CPPED1: variants seen among roughly 807,000 people sequenced by gnomAD.
CPPED1 encodes the protein serine/threonine-protein phosphatase CPPED1.
CPPED1 carries 28 observed loss-of-function variants against 28.0 expected under a neutral mutation model. The observed-to-expected ratio is 1.00, with a 90% CI of 0.74 to 1.37. The LOEUF is 1.37. Among genes scored for constraint, CPPED1 ranks in the 40% most tolerant of loss-of-function variants. The pLI, the probability that CPPED1 is intolerant of heterozygous loss-of-function variation, is 0.00. For synonymous variants in CPPED1, 198 were observed against 180.2 expected, an observed-to-expected ratio of 1.10 and a Z score of -0.79; for missense variants, 504 against 416.5, an observed-to-expected ratio of 1.21 and a Z score of -1.83.
chr16:12,694,581 T>C (rs1430338187), intron 3 of CPPED1, among the ~76,000 whole-genome samples: 1 of 151,976 alleles, frequency 6.6e-6, no homozygotes, highest in African/African-American at 2.4e-5. Context: ...GTGTGATGTT[T>C]TGCGGTGAAC....
In CPPED1 at chr16:12,667,872, G is replaced by A. The variant is rs569413243; in HGVS notation, c.716-2757C>T. Among the ~76,000 whole-genome samples, 29 of 152,256 alleles carry A rather than the reference G, an allele frequency of 1.9e-4. No homozygotes were observed. The South Asian group carries it at 5.6e-3, about 29-fold the overall frequency. ...TTTTCCAGAAAGAAGGAAGACACAG[G>A]TCCTCAGATAAAAAGTACTACACAG... On this transcript the variant is annotated intron_variant, in intron 3 of 3. Transcript: ENST00000381774.
At chr16:12,738,487 G>C (rs945592164) in intron 2 of CPPED1, among the ~76,000 whole-genome samples, 2 of 152,042 alleles carry the variant, frequency 1.3e-5, no homozygotes, top group Non-Finnish European at 2.9e-5. Context: ...TTGCAGAGAT[G>C]AAATGTCTCT....
chr16:12,666,649 G>A (rs920635322), intron 3 of CPPED1, among the ~76,000 whole-genome samples: 1 of 152,148 alleles, frequency 6.6e-6, no homozygotes, highest in African/African-American at 2.4e-5. Flanking sequence ...GAGATGCCCA[G>A]TAGTGCCCAT....
intron 3 of CPPED1, among the ~76,000 whole-genome samples, chr16:12,679,937 G>A (rs1282168991): frequency 6.6e-6 from 1 of 152,078 alleles, no homozygotes; most frequent in Non-Finnish European, 1.5e-5. Flanking sequence ...ATTAGCCAAT[G>A]GAAAAGAGAA....
chr16:12,747,589 AAACCTACACAC>A (rs1355356058), intron 2 of CPPED1, among the ~76,000 whole-genome samples: 1 of 152,106 alleles, frequency 6.6e-6, no homozygotes, highest in African/African-American at 2.4e-5. Context: ...AAATGTGTAA[AAACCTACACAC>A]AACGAAAACT....
At chr16:12,738,687 G>A (rs2080239092) in intron 2 of CPPED1, among the ~76,000 whole-genome samples, 1 of 152,136 alleles carries the variant, frequency 6.6e-6, no homozygotes, top group South Asian at 2.1e-4. Flanking sequence ...GAGAGTTTAT[G>A]GGTATGGACT....
intron 3 of CPPED1, among the ~76,000 whole-genome samples, chr16:12,667,983 C>T (rs77432870): frequency 1.3e-5 from 2 of 152,108 alleles, no homozygotes; most frequent in African/African-American, 2.4e-5. Context: ...TAGAAAGAAC[C>T]GCAGTAAAAA....
intron 3 of CPPED1, among the ~76,000 whole-genome samples, chr16:12,693,611 T>G (rs2079974840): frequency 6.6e-6 from 1 of 152,208 alleles, no homozygotes; most frequent in Non-Finnish European, 1.5e-5. Flanking sequence ...AGCAATGTTG[T>G]AGATTTGTAC....
chr16:12,755,667 G>A (rs375847766), intron 2 of CPPED1, among the ~76,000 whole-genome samples: 5 of 152,094 alleles, frequency 3.3e-5, no homozygotes, highest in African/African-American at 7.2e-5. Flanking sequence ...AGGCTAATAC[G>A]CATACAATAA....
chr16:12,791,154 C>T (rs929491267), intron 1 of CPPED1, among the ~76,000 whole-genome samples: 21 of 151,710 alleles, frequency 1.4e-4, no homozygotes, highest in African/African-American at 7.3e-5. Flanking sequence ...CCCATCAACC[C>T]GTCCTCTAGG....
intron 2 of CPPED1, among the ~76,000 whole-genome samples, chr16:12,751,449 A>G (rs577267281): frequency 6.6e-6 from 1 of 152,340 alleles, no homozygotes; most frequent in South Asian, 2.1e-4. Context: ...AGTAAAAGTC[A>G]TTGGATAGAC....
intron 2 of CPPED1, among the ~76,000 whole-genome samples, chr16:12,740,781 T>G (rs2080251281): frequency 6.6e-6 from 1 of 152,110 alleles, no homozygotes; most frequent in Non-Finnish European, 1.5e-5. Flanking sequence ...CAAGGCCCTG[T>G]GGCAGGAAAG....
At chr16:12,694,214 A>G (rs188487250) in intron 3 of CPPED1, among the ~76,000 whole-genome samples, 11 of 152,286 alleles carry the variant, frequency 7.2e-5, no homozygotes, top group Admixed American at 5.9e-4. Context: ...ACAAAAAACA[A>G]AAGAACAGAA....
At chr16:12,766,256 T>TATATAGAG in intron 2 of CPPED1, among the ~76,000 whole-genome samples, 127 of 134,284 alleles carry the variant, frequency 9.5e-4, no homozygotes, top group Middle Eastern at 3.7e-3. Context: ...TATATATATA[T>TATATAGAG]AGAGAGAGAG....
chr16:12,765,538 T>C (rs540124825), intron 2 of CPPED1, among the ~76,000 whole-genome samples: 1 of 152,242 alleles, frequency 6.6e-6, no homozygotes, highest in Admixed American at 6.5e-5. Flanking sequence ...AGGTATATTA[T>C]CCAAGTGAAA....
At chr16:12,699,419 C>A (rs1005088371) in intron 3 of CPPED1, among the ~76,000 whole-genome samples, 7 of 151,902 alleles carry the variant, frequency 4.6e-5, no homozygotes, top group Admixed American at 3.9e-4. Context: ...TGGCAGGCTT[C>A]GATTCACACA....
In CPPED1 at chr16:12,787,533, C is replaced by T. The variant is rs183422413; in HGVS notation, c.71-6130G>A. ...GATTCTCCCACCTTAGCCTCCTGAG[C>T]AGCTGGGATTATACAGGCATGTGCC... On this transcript the variant is annotated intron_variant, in intron 1 of 3. Transcript: ENST00000381774. Among the ~76,000 whole-genome samples the T allele has an allele frequency of 4.4e-4, 66 of 151,618 alleles. No homozygotes were observed. The East Asian group carries it at 5.6e-3, about 13-fold the overall frequency.
chr16:12,797,459 G>A (rs1256731297), intron 1 of CPPED1, among the ~76,000 whole-genome samples: 3 of 152,106 alleles, frequency 2.0e-5, no homozygotes, highest in African/African-American at 7.2e-5. Flanking sequence ...GAGGTGGGAG[G>A]ATCGAGCATG....
chr16:12,672,540 C>T (rs1042544880), intron 3 of CPPED1, among the ~76,000 whole-genome samples: 34 of 152,182 alleles, frequency 2.2e-4, no homozygotes, highest in African/African-American at 6.8e-4. Flanking sequence ...TGTAAAATAA[C>T]GTATGCCTTA....
Sources: gnomAD v4.1 joint callset for allele counts (sites outside exome capture counted in the v4.1 genomes callset) on GRCh38, gnomAD v4.1.1 for gene constraint, MANE v1.5 for transcripts, NCBI Gene and HGNC (gene_info 2026-07-23, HGNC 2026-07-21) for gene names.